Variants in ADAMTSL5 observed in about 807,000 individuals in gnomAD.
ADAMTSL5 encodes ADAMTS-like protein 5.
A neutral mutation model predicts 51.7 loss-of-function variants in ADAMTSL5; 53 were observed. That is an observed-to-expected ratio of 1.03 (90% confidence interval 0.82 to 1.29). The LOEUF (loss-of-function observed/expected upper bound fraction) is 1.29, where lower values mean the gene tolerates loss of function less well. ADAMTSL5 is among the 50% of genes most tolerant of loss of function. The pLI is 0.00. For synonymous variants in ADAMTSL5, 285 were observed against 278.7 expected (o/e 1.02, Z -0.23); for missense variants, 770 against 676.2 (o/e 1.14, Z -1.54).
chr19:1,506,854 C>G lies in ADAMTSL5; in HGVS notation c.927G>C (p.Gln309His), dbSNP rs1487125333. ...WLPRERYSPF[Q>H]ARVQALGWPL... ...GCCAGCCCAGGGCCTGCACACGAGC[C>G]TGGAAGGGGCTGTAGCGCTCCCGAG... is the stretch of plus-strand genomic sequence containing the variant. Residue 309 changes from glutamine to histidine, a missense_variant, in exon 10 of 12, where the codon CAG becomes CAC. By Grantham distance (24) the Gln-to-His change is conservative. Coordinates refer to ENST00000330475, the MANE Select transcript of ADAMTSL5 (RefSeq NM_213604.3). This position sits in a 1 kb window ranked among gnomAD's most constrained non-coding sequence, Gnocchi z 5.6. 1 of 1,544,702 alleles carries G rather than the reference C, an allele frequency of 6.5e-7. No homozygotes were observed. Among genetic ancestry groups the G allele is most frequent in the East Asian group, 2.4e-5 (1 of 40,904 alleles).
rs1294166757 is a variant in ADAMTSL5, at chr19:1,506,988, T to G, written c.853-60A>C. ...GGAGGCTGGGGTTGCCTCCTGCCTC[T>G]GACCCTACGACCCCAGCCTCCCCAC... is the stretch of plus-strand genomic sequence containing the variant. On this transcript the variant is annotated intron_variant, in intron 9 of 11. Coordinates refer to ENST00000330475, the MANE Select transcript of ADAMTSL5 (RefSeq NM_213604.3). This position sits in a 1 kb window ranked among gnomAD's most constrained non-coding sequence, Gnocchi z 5.6. 6.8e-7 allele frequency: 1 copy of G among 1,480,484 alleles called. No individual in the cohort carries two copies. Among genetic ancestry groups the G allele is most frequent in the African/African-American group, 1.4e-5 (1 of 70,018 alleles). 91.7% of individuals were successfully genotyped at this position (1,480,484 alleles called of 1,614,324 possible). A position where few individuals can be genotyped will look rare whatever the true frequency, so the allele number is the denominator to read the frequency against.
At position 1,506,525 on chromosome 19, in the gene ADAMTSL5, G is replaced by T. The variant is rs1156400829; in HGVS notation, c.1114+65C>A. On this transcript the variant is annotated intron_variant, in intron 11 of 11. Coordinates refer to ENST00000330475, the MANE Select transcript of ADAMTSL5 (RefSeq NM_213604.3). This position sits in a 1 kb window ranked among gnomAD's most constrained non-coding sequence, Gnocchi z 5.6. ...GGGGTCAAGGGTAAAGTCAGATTAG[G>T]GTCAGAGGTCAGGAGGAGGCCAGGT... 6.4e-7 allele frequency: 1 copy of T among 1,554,524 alleles called. No individual in the cohort carries two copies. Among genetic ancestry groups the T allele is most frequent in the African/African-American group, 1.4e-5 (1 of 74,012 alleles).
intron 5 of ADAMTSL5, chr19:1,508,809 T>C: frequency 2.1e-6 from 1 of 470,682 alleles, no homozygotes; most frequent in Non-Finnish European, 3.7e-6. Context: ...TCATTCATTG[T>C]CTTTATATTA....
chr19:1,509,990 G>A (rs957156565), intron 5 of ADAMTSL5, among the ~76,000 whole-genome samples, 160 bp downstream of exon 5: 2 of 152,088 alleles, frequency 1.3e-5, no homozygotes, highest in African/African-American at 2.4e-5. Flanking sequence ...CCTGTTTCAC[G>A]CCTAACATAT....
Position 1,506,343 on chromosome 19 carries a change from T to C in ADAMTSL5, c.1115-27A>G, listed in dbSNP as rs1188455786. On this transcript the variant is annotated intron_variant, in intron 11 of 11. Coordinates refer to ENST00000330475, the MANE Select transcript of ADAMTSL5 (RefSeq NM_213604.3). This position sits in a 1 kb window ranked among gnomAD's most constrained non-coding sequence, Gnocchi z 5.6. Reference sequence around the variant, plus strand: ...TGTTGAGGGGACGTGCTAAGCTGGCTGGCTGCTCAACTCTGCGCAAATCTC... The same window carrying C: ...TGTTGAGGGGACGTGCTAAGCTGGCCGGCTGCTCAACTCTGCGCAAATCTC... The C allele has an allele frequency of 2.6e-6, 4 of 1,539,638 alleles. No individual in the cohort carries two copies. The African/African-American group carries it at 4.1e-5, about 16-fold the overall frequency.
At chr19:1,507,157 C>A in intron 9 of ADAMTSL5, 85 bp downstream of exon 9, 1 of 1,488,118 alleles carries the variant, frequency 6.7e-7, no homozygotes, top group South Asian at 1.4e-5. Context: ...TGGCCCCAGT[C>A]ACCTCCACTC....
In ADAMTSL5 at chr19:1,507,241, C is replaced by T. The variant is rs750386716; in HGVS notation, c.852+1G>A. On this transcript the variant is annotated splice_donor_variant, in intron 9 of 11. Coordinates refer to ENST00000330475, the MANE Select transcript of ADAMTSL5 (RefSeq NM_213604.3). LOFTEE classifies it high-confidence loss of function. ...TGACCCTGTTGGAGGCCCAGTGGCACCTGTAGGAGCAGGTCATGGGAGGTG... is the reference window on the plus strand; with the variant it reads ...TGACCCTGTTGGAGGCCCAGTGGCATCTGTAGGAGCAGGTCATGGGAGGTG... The T allele has an allele frequency of 2.0e-6, 3 of 1,529,994 alleles. No individual in the cohort carries two copies. The Admixed American group carries it at 6.5e-5, about 33-fold the overall frequency. 94.8% of individuals were successfully genotyped at this position (1,529,994 alleles called of 1,614,324 possible).
In ADAMTSL5 at chr19:1,510,712, G is replaced by A; in HGVS notation, c.118C>T (p.Pro40Ser). Residue 40 changes from proline (P) to serine (S), a missense_variant, in exon 3 of 12, where the codon CCG (proline) becomes TCG (serine). Physicochemically the swap from Pro to Ser is moderately conservative, Grantham distance 74. Transcript: ENST00000330475. ...GAGCAGCGGGTCCAGGACACCCACG[G>A]GGTCCACTCGCCCGGACCCTACTTG... ...VSAQGPGEWTPWVSWTRCSSS... is the reference protein window; with the variant it reads ...VSAQGPGEWTSWVSWTRCSSS... The A allele has an allele frequency of 6.5e-7, 1 of 1,542,008 alleles. No homozygotes were observed. Among genetic ancestry groups the A allele is most frequent in the South Asian group, 1.2e-5 (1 of 83,376 alleles).
At position 1,507,413 on chromosome 19, in the gene ADAMTSL5, G is replaced by T. The variant is rs762046693; in HGVS notation, c.689-8C>A. 5.1e-6 allele frequency: 8 copies of T among 1,581,426 alleles called. No individual in the cohort carries two copies. The highest frequency in any genetic ancestry group is 6.9e-6 in the Non-Finnish European group (8 of 1,162,464). ...CATCGCCCCCCATCAGTGCTGCAAG[G>T]GAACAGTCAGCCCTCAGGAACCTGT... On this transcript the variant is annotated splice_polypyrimidine_tract_variant and splice_region_variant and intron_variant, in intron 8 of 11. Transcript: ENST00000330475.
At chr19:1,511,185 A>AGTTT (rs57211699) in intron 1 of ADAMTSL5, 25 bp from the exon 2 acceptor site, 187,386 of 290,978 alleles carry the variant, frequency 0.64, 62,283 homozygotes, top group African/African-American at 0.79. Flanking sequence ...GTTGTTAGTT[A>AGTTT]GTTTGTTTTT....
In ADAMTSL5 at chr19:1,505,812, C is replaced by T. The variant is rs759039746; in HGVS notation, c.*203G>A. ...AGTCAGAGTCTCCTTAGTGCCTCCT[C>T]ACCAGTGCCTGCCGGCTTGTGACAG... is the stretch of plus-strand genomic sequence containing the variant. On this transcript the variant is annotated 3_prime_UTR_variant, in exon 12 of 12. Coordinates refer to ENST00000330475, the MANE Select transcript of ADAMTSL5 (RefSeq NM_213604.3). 3.0e-4 allele frequency: 180 copies of T among 607,842 alleles called. No homozygotes were observed. Among genetic ancestry groups the T allele is most frequent in the Non-Finnish European group, 4.1e-4 (156 of 378,882 alleles). 37.7% of individuals were successfully genotyped at this position (607,842 alleles called of 1,614,324 possible). A position where few individuals can be genotyped will look rare whatever the true frequency, so the allele number is the denominator to read the frequency against.
chr19:1,509,827 C>T (rs559171214), intron 5 of ADAMTSL5, among the ~76,000 whole-genome samples: 15 of 152,222 alleles, frequency 9.9e-5, no homozygotes, highest in African/African-American at 3.4e-4. Flanking sequence ...GACCCGGGCA[C>T]GTAGTTATAT....
chr19:1,507,098 T>G, intron 9 of ADAMTSL5, 144 bp downstream of exon 9: 5 of 327,084 alleles, frequency 1.5e-5, no homozygotes, highest in Non-Finnish European at 2.3e-5. Flanking sequence ...CCCTCCCCCC[T>G]CTGATGCTCT....
At chr19:1,507,002 C>G in intron 9 of ADAMTSL5, 74 bp from the exon 10 acceptor site, 1 of 1,443,012 alleles carries the variant, frequency 6.9e-7, no homozygotes, top group Non-Finnish European at 9.3e-7. Context: ...CCTACGACCC[C>G]AGCCTCCCCA....
chr19:1,507,782 G>A lies in ADAMTSL5; in HGVS notation c.602-139C>T. 3 of 1,029,658 alleles carry A rather than the reference G, an allele frequency of 2.9e-6. No homozygotes were observed. In the South Asian group the frequency reaches 4.4e-5, roughly 15 times the overall value. 63.8% of individuals were successfully genotyped at this position (1,029,658 alleles called of 1,614,324 possible). On this transcript the variant is annotated intron_variant, in intron 7 of 11. Transcript: ENST00000330475. ...GGAAAACCCTCCGTAAACGTTTGGA[G>A]TTACAATTACTATTGCTTCAGTGTG...
rs1912931270 is a variant in ADAMTSL5 at position 1,506,504 on chromosome 19, T to C, written c.1114+86A>G. On this transcript the variant is annotated intron_variant, in intron 11 of 11. Transcript: ENST00000330475. This position sits in a 1 kb window ranked among gnomAD's most constrained non-coding sequence, Gnocchi z 5.6. ...GGCAAATTAGGATCAGAAGAAGGGGTCAAGGGTAAAGTCAGATTAGGGTCA... is the reference window on the plus strand; with the variant it reads ...GGCAAATTAGGATCAGAAGAAGGGGCCAAGGGTAAAGTCAGATTAGGGTCA... 1 of 1,514,058 alleles carries C rather than the reference T, an allele frequency of 6.6e-7. No individual in the cohort carries two copies. Among genetic ancestry groups the C allele is most frequent in the Admixed American group, 1.9e-5 (1 of 51,410 alleles). The allele number at this position is 1,514,058 out of a possible 1,614,324, so 93.8% of individuals were successfully genotyped here. A position where few individuals can be genotyped will look rare whatever the true frequency, so the allele number is the denominator to read the frequency against.
Position 1,505,715 on chromosome 19 carries a change from A to G in ADAMTSL5, c.*300T>C. On this transcript the variant is annotated 3_prime_UTR_variant, in exon 12 of 12. Transcript: ENST00000330475. ...AAGTGTGACGCGCGCAAAGAGAAAGAAAGCAGCGTTAAACTTTCTGAGTAT... is the reference window on the plus strand; with the variant it reads ...AAGTGTGACGCGCGCAAAGAGAAAGGAAGCAGCGTTAAACTTTCTGAGTAT... 2.8e-6 allele frequency: 1 copy of G among 355,502 alleles called. No individual in the cohort carries two copies. The highest frequency in any genetic ancestry group is 5.1e-6 in the Non-Finnish European group (1 of 195,440). 22.0% of individuals were successfully genotyped at this position (355,502 alleles called of 1,614,324 possible). A position where few individuals can be genotyped will look rare whatever the true frequency, so the allele number is the denominator to read the frequency against.
rs1912850207 is a variant in ADAMTSL5, at chr19:1,505,104, A to G, written c.*911T>C. On this transcript the variant is annotated 3_prime_UTR_variant, in exon 12 of 12. Coordinates refer to ENST00000330475, the MANE Select transcript of ADAMTSL5 (RefSeq NM_213604.3). ...GGGTGAACAGCCAGTACGATAGTGC[A>G]TGCCTGAAATTCCAGTGCTTTGGGA... 6.6e-6 allele frequency: 1 copy of G among 152,210 alleles called. No individual in the cohort carries two copies. The highest frequency in any genetic ancestry group is 2.4e-5 in the African/African-American group (1 of 41,448). The allele number at this position is 152,210 out of a possible 1,614,324, so 9.4% of individuals were successfully genotyped here. A position where few individuals can be genotyped will look rare whatever the true frequency, so the allele number is the denominator to read the frequency against.
At chr19:1,508,263 G>A in intron 6 of ADAMTSL5, 154 bp from the exon 7 acceptor site, 1 of 1,200,780 alleles carries the variant, frequency 8.3e-7, no homozygotes, top group Non-Finnish European at 1.1e-6. Context: ...GGATGGGCTT[G>A]GCGCCCGGGA....
Sources: allele counts gnomAD v4.1 joint callset (sites outside exome capture counted in the v4.1 genomes callset), GRCh38; gene constraint gnomAD v4.1.1; non-coding constraint Gnocchi (gnomAD v3.1); transcripts MANE v1.5; gene names NCBI Gene and HGNC (gene_info 2026-07-23, HGNC 2026-07-21).